The following PPL variants were observed in gnomAD, a reference collection of about 807,000 sequenced individuals.
PPL encodes the protein 190 kDa paraneoplastic pemphigus antigen.
A neutral mutation model predicts 194.4 loss-of-function variants in PPL; 198 were observed. The observed-to-expected ratio is 1.02, with a 90% CI of 0.91 to 1.15. The LOEUF (loss-of-function observed/expected upper bound fraction) is 1.15, where lower values mean the gene tolerates loss of function less well. PPL is among the 50% of genes most tolerant of loss of function. The pLI is 0.00. For synonymous variants in PPL, 1,220 were observed against 972.4 expected, an observed-to-expected ratio of 1.25 and a Z score of -4.74; for missense variants, 2,885 against 2,294.8, an observed-to-expected ratio of 1.26 and a Z score of -5.25.
chr16:4,912,901 T>A (rs145834871), intron 1 of PPL, among the ~76,000 whole-genome samples: 1 of 152,096 alleles, frequency 6.6e-6, no homozygotes, highest in Non-Finnish European at 1.5e-5. Flanking sequence ...ATCAGGAGTT[T>A]GAGACCAGCC....
In PPL at chr16:4,897,741, C is replaced by G; in HGVS notation, c.906G>C (p.Trp302Cys). 1 of 1,613,928 alleles carries G rather than the reference C, an allele frequency of 6.2e-7. No homozygotes were observed. The highest frequency in any genetic ancestry group is 1.1e-5 in the South Asian group (1 of 91,056). Residue 302 changes from tryptophan to cysteine, a missense_variant, in exon 9 of 22, where the codon TGG (tryptophan) becomes TGC (cysteine). Trp to Cys is a radical substitution (Grantham distance 215, BLOSUM62 -2). Coordinates refer to ENST00000345988, the MANE Select transcript of PPL (RefSeq NM_002705.5). ...AGATGAGCAGGTTCAGGTACTCCTTCCAGTCTGCGTGCACAGCCTCCATGT... is the reference window on the plus strand; with the variant it reads ...AGATGAGCAGGTTCAGGTACTCCTTGCAGTCTGCGTGCACAGCCTCCATGT... Reference protein sequence around the residue: ...EAHMEAVHADWKEYLNLLICE... With the variant: ...EAHMEAVHADCKEYLNLLICE...
At chr16:4,912,424 T>A (rs2088837098) in intron 1 of PPL, among the ~76,000 whole-genome samples, 1 of 152,280 alleles carries the variant, frequency 6.6e-6, no homozygotes, top group Non-Finnish European at 1.5e-5. Context: ...ACGTGGCTAC[T>A]TCACATTTTG....
At position 4,899,294 on chromosome 16, in the gene PPL, C is replaced by T; in HGVS notation, c.697G>A (p.Ala233Thr). Residue 233 changes from alanine (A) to threonine (T), a missense_variant, in exon 7 of 22, where the codon GCC (alanine) becomes ACC (threonine). Transcript: ENST00000345988. ...CAGTCGTACTGCATGCGGCCCTTGGCCTGCTGGTCCAGCCAGTACAGCTCA... is the reference window on the plus strand; with the variant it reads ...CAGTCGTACTGCATGCGGCCCTTGGTCTGCTGGTCCAGCCAGTACAGCTCA... ...TNELYWLDQQ[A>T]KGRMQYDWSD... 6.2e-7 allele frequency: 1 copy of T among 1,613,788 alleles called. No individual in the cohort carries two copies. Among genetic ancestry groups the T allele is most frequent in the Non-Finnish European group, 8.5e-7 (1 of 1,180,002 alleles).
intron 1 of PPL, among the ~76,000 whole-genome samples, chr16:4,913,619 C>A (rs867687991): frequency 3.3e-5 from 5 of 152,196 alleles, no homozygotes; most frequent in Middle Eastern, 3.2e-3. Context: ...CTCGCTGCAA[C>A]CTCCACTTCT....
chr16:4,885,957 C>T lies in PPL; in HGVS notation c.2698G>A (p.Asp900Asn), dbSNP rs751859543. The T allele has an allele frequency of 9.3e-6, 15 of 1,613,668 alleles. No homozygotes were observed. The highest frequency in any genetic ancestry group is 2.2e-5 in the East Asian group (1 of 44,894). Residue 900 changes from aspartate to asparagine, a missense_variant, in exon 22 of 22, where the codon GAT becomes AAT. By Grantham distance (23) the Asp-to-Asn change is conservative (BLOSUM62 1). Transcript: ENST00000345988. This position sits in a 1 kb window ranked among gnomAD's most constrained non-coding sequence, Gnocchi z 6.3. ...EEAWKIRKEL[D>N]EETERRRQLE... is the part of the protein sequence containing the mutation. ...TGCCGCCTCCGCTCAGTCTCCTCAT[C>T]CAGTTCCTTCCTGATCTTCCACGCC...
At position 4,884,493 on chromosome 16, in the gene PPL, C is replaced by CTGCCCGCAGCTT. The variant is rs765375655; in HGVS notation, c.4150_4161dup (p.Lys1384_Ala1387dup). 47 of 1,607,276 alleles carry CTGCCCGCAGCTT rather than the reference C, an allele frequency of 2.9e-5. No homozygotes were observed. Among genetic ancestry groups the CTGCCCGCAGCTT allele is most frequent in the Non-Finnish European group, 3.9e-5 (46 of 1,178,860 alleles). ...CGCCGGCGCTGCAGCCGCCGCAGCTCTGCCCGCAGCTTGTCAATCTGCCGC... is the reference window on the plus strand; with the variant it reads ...CGCCGGCGCTGCAGCCGCCGCAGCTCTGCCCGCAGCTTTGCCCGCAGCTTGTCAATCTGCCGC... On this transcript the variant is annotated inframe_insertion, in exon 22 of 22. Coordinates refer to ENST00000345988, the MANE Select transcript of PPL (RefSeq NM_002705.5). This position sits in a 1 kb window ranked among gnomAD's most constrained non-coding sequence, Gnocchi z 5.7.
chr16:4,888,182 G>C lies in PPL; in HGVS notation c.2434C>G (p.Leu812Val). The C allele has an allele frequency of 6.2e-7, 1 of 1,613,736 alleles. No individual in the cohort carries two copies. The highest frequency in any genetic ancestry group is 1.1e-5 in the South Asian group (1 of 91,076). The stretch of plus-strand genomic sequence containing the variant: ...CTTCTCCTTCCATTCTCCAAGTCGA[G>C]AAGAGACCTTAGTTTTTCTGCTTCT... ...ELEAEKLRSL[L>V]DLENGRRSHV... is the part of the protein sequence containing the mutation. The change falls in exon 20 of 22, where the codon CTC (leucine) becomes GTC (valine). Residue 812 changes from leucine to valine, a missense_variant. Leu to Val is a conservative substitution (Grantham distance 32). Transcript: ENST00000345988.
In PPL at chr16:4,885,064, C is replaced by G. The variant is rs756045789; in HGVS notation, c.3591G>C (p.Glu1197Asp). 14 of 1,613,596 alleles carry G rather than the reference C, an allele frequency of 8.7e-6. No homozygotes were observed. In the Admixed American group the frequency reaches 2.2e-4, roughly 25 times the overall value. Residue 1197 changes from glutamate (E) to aspartate (D), a missense_variant, in exon 22 of 22, where the codon GAG (glutamate) becomes GAC (aspartate). Coordinates refer to ENST00000345988, the MANE Select transcript of PPL (RefSeq NM_002705.5). The surrounding 1 kb of genome is among the most constrained non-coding windows in gnomAD (Gnocchi z 6.3). ...CGGCACCCCGGTACTTTCGCTCCTG[C>G]TCCACAAGCTCCAGGCGGAGGTTCG... ...EVANLRLELVEQERKYRGAEE... is the reference protein window; with the variant it reads ...EVANLRLELVDQERKYRGAEE...
At chr16:4,910,191 G>A (rs192731633) in intron 2 of PPL, among the ~76,000 whole-genome samples, 139 of 152,334 alleles carry the variant, frequency 9.1e-4, no homozygotes, top group Middle Eastern at 6.8e-3. Context: ...CTGAGGCACA[G>A]ATAGGGGAAA....
At chr16:4,927,149 C>T (rs770707319) in intron 1 of PPL, among the ~76,000 whole-genome samples, 21 of 152,062 alleles carry the variant, frequency 1.4e-4, no homozygotes, top group African/African-American at 2.4e-4. Flanking sequence ...AAAGACTCTC[C>T]GGTGAGATTA....
In PPL at chr16:4,883,501, C is replaced by T; in HGVS notation, c.5154G>A (p.Lys1718=). 6 of 1,614,222 alleles carry T rather than the reference C, an allele frequency of 3.7e-6. No homozygotes were observed. Among genetic ancestry groups the T allele is most frequent in the Non-Finnish European group, 5.1e-6 (6 of 1,180,036 alleles). The stretch of plus-strand genomic sequence containing the variant: ...TCTGCAGGGCCTCTTCGATGGAGAA[C>T]TTCTTGCCAGACTTCCTGTCGTGTA... ...SVIHDRKSGK[K]FSIEEALQSG... Residue 1718 remains lysine, a synonymous_variant, in exon 22 of 22, where the codon AAG becomes AAA. Coordinates refer to ENST00000345988, the MANE Select transcript of PPL (RefSeq NM_002705.5). The surrounding 1 kb of genome is among the most constrained non-coding windows in gnomAD (Gnocchi z 4.8).
chr16:4,903,494 C>T (rs1467281657), intron 3 of PPL, among the ~76,000 whole-genome samples: 3 of 152,016 alleles, frequency 2.0e-5, no homozygotes, highest in Admixed American at 6.6e-5. Context: ...TCGAGGCAGG[C>T]GGATCACCTA....
chr16:4,892,551 G>A (rs568484970), intron 14 of PPL, among the ~76,000 whole-genome samples: 44 of 152,170 alleles, frequency 2.9e-4, no homozygotes, highest in Admixed American at 2.6e-3. Flanking sequence ...ACCCAGTCAC[G>A]GGTGGGGGTG....
chr16:4,887,335 G>C, intron 20 of PPL, 108 bp from the exon 21 acceptor site: 1 of 837,434 alleles, frequency 1.2e-6, no homozygotes, highest in Non-Finnish European at 2.0e-6. Flanking sequence ...GGAATTTGGG[G>C]GTAGAGGCAT....
chr16:4,936,856 T>C, intron 1 of PPL, 128 bp downstream of exon 1: 1 of 943,476 alleles, frequency 1.1e-6, no homozygotes, highest in South Asian at 1.7e-5. Context: ...AGTCCCGCAC[T>C]CCGGGTTCAG....
At chr16:4,897,653 G>C (rs775727954) in intron 9 of PPL, 22 bp downstream of exon 9, 8 of 1,592,918 alleles carry the variant, frequency 5.0e-6, no homozygotes, top group African/African-American at 4.0e-5. Context: ...GTGCTGGGGG[G>C]ACTCCCAGGA....
In PPL at chr16:4,902,232, G is replaced by A. The variant is rs747395000; in HGVS notation, c.438+174C>T. 6.6e-5 allele frequency among the ~76,000 whole-genome samples: 10 copies of A among 152,186 alleles called. No individual in the cohort carries two copies. Among genetic ancestry groups the A allele is most frequent in the Non-Finnish European group, 1.3e-4 (9 of 68,038 alleles). ...TTGAGCTGTGTGACCCTGACTTCGT[G>A]CTGCACTTCTCTGAGCCTCACTCTT... is the stretch of plus-strand genomic sequence containing the variant. On this transcript the variant is annotated intron_variant, in intron 4 of 21. Transcript: ENST00000345988. This position sits in a 1 kb window ranked among gnomAD's most constrained non-coding sequence, Gnocchi z 4.0.
intron 18 of PPL, among the ~76,000 whole-genome samples, chr16:4,889,359 A>G (rs1029444744): frequency 2.8e-5 from 4 of 145,252 alleles, no homozygotes; most frequent in Admixed American, 7.1e-5. Flanking sequence ...GGTTCAAGCA[A>G]TTCTCCTGCC....
chr16:4,886,143 C>A lies in PPL; in HGVS notation c.2608-96G>T, dbSNP rs2088216298. ...GTCAGAGTGGCTGTCCTGTGGTCCCCAAGGGACTCCCTCAGTGCCAGTTCA... is the reference window on the plus strand; with the variant it reads ...GTCAGAGTGGCTGTCCTGTGGTCCCAAAGGGACTCCCTCAGTGCCAGTTCA... On this transcript the variant is annotated intron_variant, in intron 21 of 21. Transcript: ENST00000345988. 12 of 1,468,096 alleles carry A rather than the reference C, an allele frequency of 8.2e-6. No individual in the cohort carries two copies. The East Asian group carries it at 2.5e-4, about 30-fold the overall frequency. 90.9% of individuals were successfully genotyped at this position (1,468,096 alleles called of 1,614,324 possible). A position where few individuals can be genotyped will look rare whatever the true frequency, so the allele number is the denominator to read the frequency against.
Sources: gnomAD v4.1 joint callset for allele counts (sites outside exome capture counted in the v4.1 genomes callset) on GRCh38, gnomAD v4.1.1 for gene constraint, Gnocchi (gnomAD v3.1) non-coding constraint, MANE v1.5 for transcripts, NCBI Gene and HGNC (gene_info 2026-07-23, HGNC 2026-07-21) for gene names.